Variants in ARID4A observed in about 807,000 individuals in gnomAD.
ARID4A encodes the protein AT-rich interaction domain 4A.
A neutral mutation model predicts 148.6 loss-of-function variants in ARID4A; 39 were observed. The ratio of observed to expected loss-of-function variants is 0.26; its 90% CI spans 0.20 to 0.34. ARID4A has a LOEUF of 0.34. Among genes scored for constraint, ARID4A ranks in the 10% least tolerant of loss-of-function variants. The pLI is 1.00. For missense variants in ARID4A, 1,265 were observed against 1,449.1 expected (o/e 0.87, Z 2.06); for synonymous variants, 475 against 481.2 (o/e 0.99, Z 0.17).
chr14:58,310,666 T>G (rs2031955910), intron 5 of ARID4A, among the ~76,000 whole-genome samples: 1 of 147,886 alleles, frequency 6.8e-6, no homozygotes, highest in South Asian at 2.1e-4. Context: ...GTCAAACCAC[T>G]AGAAGAAAAC....
intron 5 of ARID4A, among the ~76,000 whole-genome samples, chr14:58,307,251 C>T (rs1168713825): frequency 6.6e-6 from 1 of 152,130 alleles, no homozygotes; most frequent in Non-Finnish European, 1.5e-5. Flanking sequence ...TTTAGGTTTA[C>T]TTTTAGTTTA....
At chr14:58,316,263 A>C (rs1322112233) in intron 5 of ARID4A, among the ~76,000 whole-genome samples, 2 of 152,220 alleles carry the variant, frequency 1.3e-5, no homozygotes, top group African/African-American at 4.8e-5. Flanking sequence ...TGTGAAAATT[A>C]GTACTAAATC....
At chr14:58,299,660 C>T in intron 1 of ARID4A, 138 bp from the exon 2 acceptor site, 1 of 678,954 alleles carries the variant, frequency 1.5e-6, no homozygotes, top group Non-Finnish European at 2.5e-6. Flanking sequence ...TGCGTCCTGG[C>T]TGCCCTCGTA....
Position 58,351,172 on chromosome 14 carries a change from G to A in ARID4A, c.1504G>A (p.Asp502Asn), listed in dbSNP as rs200434091. 564 of 1,612,412 alleles carry A rather than the reference G, an allele frequency of 3.5e-4. 3 individuals are homozygous for A. The South Asian group carries it at 4.9e-3, about 14-fold the overall frequency. ...AAAAGATAATGATACAGAAAATAAG[G>A]ATGTAGATGATGACTATGAAACTGC... ...KLKDNDTENK[D>N]VDDDYETAEK... The change falls in exon 16 of 24, where the codon GAT becomes AAT. Residue 502 changes from aspartate (D) to asparagine (N), a missense_variant. Around this residue, in one of 9 missense-constraint regions of ARID4A, gnomAD observed 205 missense variants for 196.9 expected, o/e 1.04. Transcript: ENST00000355431.
chr14:58,320,820 G>A (rs188083967), intron 7 of ARID4A, among the ~76,000 whole-genome samples: 1 of 152,146 alleles, frequency 6.6e-6, no homozygotes, highest in Non-Finnish European at 1.5e-5. Flanking sequence ...TGTTAGCCAG[G>A]ATGGTCTCGA....
At chr14:58,368,390 G>T (rs2035452401) in intron 23 of ARID4A, among the ~76,000 whole-genome samples, 1 of 152,128 alleles carries the variant, frequency 6.6e-6, no homozygotes, top group African/African-American at 2.4e-5. Context: ...CAAGATCCTT[G>T]CCAATCACTA....
intron 7 of ARID4A, among the ~76,000 whole-genome samples, chr14:58,319,699 C>A (rs549313020): frequency 6.7e-6 from 1 of 150,314 alleles, no homozygotes; most frequent in South Asian, 2.1e-4. Flanking sequence ...CACACCATCA[C>A]GCCTGGCTAG....
intron 7 of ARID4A, among the ~76,000 whole-genome samples, chr14:58,319,470 A>G (rs746011216): frequency 6.7e-6 from 1 of 149,422 alleles, no homozygotes; most frequent in Non-Finnish European, 1.5e-5. Context: ...TTTCAAACTT[A>G]AAGATTGCAA....
Position 58,347,884 on chromosome 14 carries a change from T to C in ARID4A, c.1404+6T>C. On this transcript the variant is annotated splice_donor_region_variant and intron_variant, in intron 15 of 23. Transcript: ENST00000355431. Reference sequence around the variant, plus strand: ...TAGAATTAAAATCTCCGAGGGTGAGTTCTTAATACTAGTTTTATCTGGTTT... The same window carrying C: ...TAGAATTAAAATCTCCGAGGGTGAGCTCTTAATACTAGTTTTATCTGGTTT... 6.3e-7 allele frequency: 1 copy of C among 1,577,404 alleles called. No homozygotes were observed. Among genetic ancestry groups the C allele is most frequent in the East Asian group, 2.2e-5 (1 of 44,634 alleles).
In ARID4A at chr14:58,356,239, C is replaced by A. The variant is rs547027273; in HGVS notation, c.1853+2384C>A. ...CGCCAGGACCAAGTACACTAAAAAT[C>A]AGGCCTGTGCTTCTTGGTTGTCTGA... On this transcript the variant is annotated intron_variant, in intron 17 of 23. Coordinates refer to ENST00000355431, the MANE Select transcript of ARID4A (RefSeq NM_002892.4). 3.9e-5 allele frequency among the ~76,000 whole-genome samples: 6 copies of A among 152,302 alleles called. No homozygotes were observed. The East Asian group carries it at 1.2e-3, about 29-fold the overall frequency.
chr14:58,362,316 C>T (rs1186992069), intron 19 of ARID4A, among the ~76,000 whole-genome samples: 1 of 152,034 alleles, frequency 6.6e-6, no homozygotes, highest in East Asian at 2.0e-4. Context: ...AGGCTGAGTG[C>T]AGTGGTTCAT....
chr14:58,323,974 G>C (rs113571233), intron 8 of ARID4A, among the ~76,000 whole-genome samples: 2 of 137,630 alleles, frequency 1.5e-5, no homozygotes, highest in African/African-American at 5.4e-5. Context: ...GCGCGATCTC[G>C]GCTCACTGCA....
In ARID4A at chr14:58,330,104, G is replaced by C; in HGVS notation, c.841G>C (p.Asp281His). The change falls in exon 11 of 24, where the codon GAT becomes CAT. Residue 281 changes from aspartate to histidine, a missense_variant. Asp to His is a moderately conservative substitution (Grantham distance 81, BLOSUM62 -1). Transcript: ENST00000355431. ...ILESSSSDDEDGPAEENDEEK... is the reference protein window; with the variant it reads ...ILESSSSDDEHGPAEENDEEK... Reference sequence around the variant, plus strand: ...TGAGTCATCCAGTAGTGATGATGAAGATGGCCCAGCTGAAGAAAATGATGA... The same window carrying C: ...TGAGTCATCCAGTAGTGATGATGAACATGGCCCAGCTGAAGAAAATGATGA... The C allele has an allele frequency of 6.2e-7, 1 of 1,613,482 alleles. No individual in the cohort carries two copies. Among genetic ancestry groups the C allele is most frequent in the Non-Finnish European group, 8.5e-7 (1 of 1,179,798 alleles).
At chr14:58,301,731 T>C (rs1339961308) in intron 3 of ARID4A, 41 bp downstream of exon 3, 1 of 1,481,302 alleles carries the variant, frequency 6.8e-7, no homozygotes, top group Non-Finnish European at 9.3e-7. Flanking sequence ...TAACTCTAGA[T>C]TGAAGAAATT....
intron 17 of ARID4A, among the ~76,000 whole-genome samples, chr14:58,357,932 A>G (rs1006915733): frequency 3.0e-4 from 45 of 152,174 alleles, no homozygotes; most frequent in Non-Finnish European, 2.9e-5. Context: ...GCCAGGTGCA[A>G]TGGCTCATGC....
At chr14:58,367,101 G>C (rs2035391088) in intron 23 of ARID4A, 72 bp downstream of exon 23, 8 of 1,187,808 alleles carry the variant, frequency 6.7e-6, no homozygotes, top group Middle Eastern at 2.8e-4. Flanking sequence ...ATTTAAATTT[G>C]ATACTCTTTG....
At chr14:58,317,416 C>T (rs1382794735) in intron 5 of ARID4A, among the ~76,000 whole-genome samples, 2 of 148,858 alleles carry the variant, frequency 1.3e-5, no homozygotes, top group Non-Finnish European at 3.0e-5. Context: ...TCCCGAGTAG[C>T]TGGGACTACA....
intron 17 of ARID4A, among the ~76,000 whole-genome samples, chr14:58,358,810 AG>A (rs2035004631): frequency 6.6e-6 from 1 of 152,216 alleles, no homozygotes. Context: ...TCTGATTATA[AG>A]CTCAGGTCTG....
chr14:58,320,419 T>C (rs1056022573), intron 7 of ARID4A, among the ~76,000 whole-genome samples: 2 of 152,156 alleles, frequency 1.3e-5, no homozygotes, highest in African/African-American at 2.4e-5. Context: ...ACTACTATCA[T>C]AATATATGGT....
Sources: allele counts gnomAD v4.1 joint callset (sites outside exome capture counted in the v4.1 genomes callset), GRCh38; gene constraint gnomAD v4.1.1; regional missense constraint gnomAD v4.1.1; transcripts MANE v1.5; gene names NCBI Gene and HGNC (gene_info 2026-07-23, HGNC 2026-07-21).